Variants in MCF2 observed in about 807,000 individuals in gnomAD.
MCF2 encodes proto-oncogene DBL.
MCF2 carries 44 observed loss-of-function variants against 82.5 expected under a neutral mutation model. That is an observed-to-expected ratio of 0.53 (90% CI 0.42 to 0.69). The LOEUF (loss-of-function observed/expected upper bound fraction) is 0.69. Among genes scored for constraint, MCF2 ranks in the 30% least tolerant of loss-of-function variants. The probability of loss-of-function intolerance (pLI) is 0.00; values close to 1 mark genes in which losing one functional copy is unlikely to be tolerated. For synonymous variants in MCF2, 217 were observed against 224.9 expected (o/e 0.96, Z 0.32); for missense variants, 623 against 663.1 (o/e 0.94, Z 0.66).
At chrX:139,586,334 T>C (rs762479197) in intron 23 of MCF2, 44 bp downstream of exon 27, 2 of 966,035 alleles carry the variant, frequency 2.1e-6, no homozygotes, top group Admixed American at 4.8e-5. Context: ...AGGTAAAAAT[T>C]TGCACACCCA....
At chrX:139,605,726 T>A in exon 13 of MCF2, 1 of 1,201,749 alleles carries the variant, frequency 8.3e-7, no homozygotes, top group East Asian at 3.0e-5. Context: ...CAAAACAGTA[T>A]ACAGTTCTCG....
intron 1 of MCF2, among the ~76,000 whole-genome samples, chrX:139,658,449 A>G (rs979359980): frequency 5.4e-5 from 6 of 110,943 alleles, no homozygotes; most frequent in Admixed American, 9.6e-5. Context: ...TAGAAAATCT[A>G]TGTAACATCC....
Position 139,584,131 on chromosome X carries a change from T to A in MCF2, c.2745+935A>T, listed in dbSNP as rs1032679981. ...TGTGATTATCCATGCCATTATCCTTTTTTTTTTTTTTTTTTTTTTTTGAGA... is the reference window on the plus strand; with the variant it reads ...TGTGATTATCCATGCCATTATCCTTATTTTTTTTTTTTTTTTTTTTTGAGA... On this transcript the variant is annotated intron_variant, in intron 24 of 24. Coordinates refer to ENST00000370576, the Ensembl canonical transcript of MCF2. Among the ~76,000 whole-genome samples the A allele has an allele frequency of 4.7e-3, 419 of 88,538 alleles. 3 individuals are homozygous for A. The highest frequency in any genetic ancestry group is 0.018 in the African/African-American group (403 of 22,068). 76.9% of individuals were successfully genotyped at this position (88,538 alleles called of 115,157 possible).
At chrX:139,652,332 A>G (rs1569385178) in intron 1 of MCF2, among the ~76,000 whole-genome samples, 1 of 111,657 alleles carries the variant, frequency 9.0e-6, no homozygotes, top group Non-Finnish European at 1.9e-5. Context: ...TTTACTGGCC[A>G]TGCAAACGCG....
chrX:139,706,644 T>G (rs1489278684), intron 1 of MCF2, among the ~76,000 whole-genome samples: 1 of 109,905 alleles, frequency 9.1e-6, no homozygotes, highest in Non-Finnish European at 1.9e-5. Flanking sequence ...ATCTGTACCT[T>G]AAGCCTCAGC....
intron 1 of MCF2, among the ~76,000 whole-genome samples, chrX:139,701,337 T>A (rs1019666585): frequency 8.9e-6 from 1 of 112,201 alleles, no homozygotes; most frequent in East Asian, 2.8e-4. Context: ...TAGGCTATAA[T>A]TAATCAATCA....
intron 1 of MCF2, among the ~76,000 whole-genome samples, chrX:139,654,957 G>A (rs1046624979): frequency 2.7e-5 from 3 of 111,630 alleles, no homozygotes; most frequent in Non-Finnish European, 5.6e-5. Flanking sequence ...GGCTGTAAAT[G>A]TATGGATTTA....
chrX:139,585,170 C>T, exon 24 of MCF2: 1 of 1,167,914 alleles, frequency 8.6e-7, no homozygotes, highest in East Asian at 3.0e-5. Flanking sequence ...TGTGATGCCT[C>T]AGTCCAAACT....
At chrX:139,635,841 C>T (rs185014795) in intron 1 of MCF2, among the ~76,000 whole-genome samples, 1 of 109,983 alleles carries the variant, frequency 9.1e-6, no homozygotes, top group African/African-American at 3.3e-5. Flanking sequence ...GCTCAGTACC[C>T]AATAGTGATC....
intron 1 of MCF2, among the ~76,000 whole-genome samples, chrX:139,654,603 C>T (rs1934136339): frequency 8.9e-6 from 1 of 111,905 alleles, no homozygotes; most frequent in African/African-American, 3.3e-5. Context: ...TGTCTCCTCA[C>T]TTTGTTGATT....
chrX:139,623,880 A>G (rs1932594845), intron 6 of MCF2, among the ~76,000 whole-genome samples: 1 of 112,200 alleles, frequency 8.9e-6, no homozygotes, highest in Non-Finnish European at 1.9e-5. Flanking sequence ...GAAAATAATC[A>G]TTATTTTGCA....
At chrX:139,592,596 T>G (rs1929618650) in intron 19 of MCF2, among the ~76,000 whole-genome samples, 1 of 111,740 alleles carries the variant, frequency 8.9e-6, no homozygotes. Context: ...AGCAAGAGAT[T>G]TGAACCCTCT....
rs185753439 is a variant in MCF2, at chrX:139,701,087, G to A, written c.-45+7019C>T. 3.7e-3 allele frequency among the ~76,000 whole-genome samples: 412 copies of A among 111,964 alleles called. 4 individuals carry two copies. Among genetic ancestry groups the A allele is most frequent in the Admixed American group, 8.0e-3 (85 of 10,604 alleles). On this transcript the variant is annotated intron_variant, in intron 1 of 27. Transcript: ENST00000414978. ...CCAAGGGAGTAGAGACTTTTCAGGG[G>A]AAATTGAAGGCCCTCTGGAGGGAAA...
At chrX:139,585,882 A>G (rs1282643354) in intron 23 of MCF2, among the ~76,000 whole-genome samples, 1 of 112,457 alleles carries the variant, frequency 8.9e-6, no homozygotes, top group East Asian at 2.8e-4. Context: ...ACTTCAAATA[A>G]AACCATTCAC....
exon 8 of MCF2, chrX:139,617,647 G>T: frequency 8.3e-7 from 1 of 1,202,864 alleles, no homozygotes; most frequent in South Asian, 1.8e-5. Flanking sequence ...GCATAATGGT[G>T]ATTTGCTGCA....
At chrX:139,690,345 T>G (rs1347924904) in intron 1 of MCF2, among the ~76,000 whole-genome samples, 5 of 102,293 alleles carry the variant, frequency 4.9e-5, no homozygotes, top group African/African-American at 1.5e-4. Flanking sequence ...GGAGTTTTTT[T>G]TTTTTTTTTT....
exon 19 of MCF2, chrX:139,596,610 C>G: frequency 1.7e-6 from 2 of 1,210,478 alleles, no homozygotes; most frequent in South Asian, 3.5e-5. Context: ...ACTTTCAACA[C>G]GCCTTTTGCA....
chrX:139,652,969 G>A (rs1934079517), intron 1 of MCF2, among the ~76,000 whole-genome samples: 1 of 111,193 alleles, frequency 9.0e-6, no homozygotes, highest in South Asian at 3.9e-4. Flanking sequence ...GAAACATAAA[G>A]CAATTTTAAT....
intron 1 of MCF2, among the ~76,000 whole-genome samples, chrX:139,652,921 A>C (rs1934077607): frequency 9.0e-6 from 1 of 111,509 alleles, no homozygotes; most frequent in Admixed American, 9.5e-5. Context: ...ACAGTGGAAT[A>C]GGTTATCTGT....
Sources: gnomAD v4.1 joint callset for allele counts (sites outside exome capture counted in the v4.1 genomes callset) on GRCh38, gnomAD v4.1.1 for gene constraint, MANE v1.5 for transcripts, NCBI Gene and HGNC (gene_info 2026-07-23, HGNC 2026-07-21) for gene names.